The following SHCBP1L variants were observed in gnomAD, a reference collection of about 807,000 sequenced individuals.
SHCBP1L encodes SHC binding and spindle associated 1 like, also known as testicular spindle-associated protein SHCBP1L.
In SHCBP1L, 67 loss-of-function variants were observed where a neutral mutation model predicts 62.5. That is an observed-to-expected ratio of 1.07 (90% CI 0.88 to 1.31). The LOEUF (loss-of-function observed/expected upper bound fraction) is 1.31, where lower values mean the gene tolerates loss of function less well. SHCBP1L is among the 40% of genes most tolerant of loss of function. The pLI is 0.00. For synonymous variants in SHCBP1L, 284 were observed against 289.4 expected (o/e 0.98, Z 0.19); for missense variants, 823 against 809.8 (o/e 1.02, Z -0.20).
chr1:182,905,359 A>T (rs900214582), intron 7 of SHCBP1L, 137 bp downstream of exon 7: 3 of 916,350 alleles, frequency 3.3e-6, no homozygotes, highest in East Asian at 5.7e-5. Flanking sequence ...TGTCTTAATT[A>T]TAAAATGAAC....
At chr1:182,932,141 G>C (rs1651025583) in intron 5 of SHCBP1L, among the ~76,000 whole-genome samples, 2 of 129,588 alleles carry the variant, frequency 1.5e-5, no homozygotes, top group Admixed American at 1.5e-4. Context: ...AACATTCCTT[G>C]TCTGGGTGTC....
chr1:182,952,509 A>G (rs1651810985), intron 1 of SHCBP1L: 1 of 512,742 alleles, frequency 2.0e-6, no homozygotes, highest in African/African-American at 2.0e-5. Flanking sequence ...TTACCTGACG[A>G]ATTTTGTCGG....
At chr1:182,925,773 C>A (rs1460499463) in intron 6 of SHCBP1L, among the ~76,000 whole-genome samples, 4 of 152,182 alleles carry the variant, frequency 2.6e-5, no homozygotes, top group Non-Finnish European at 5.9e-5. Context: ...CACAGCCCCA[C>A]TTTCCCCAAT....
intron 2 of SHCBP1L, among the ~76,000 whole-genome samples, chr1:182,948,458 C>T (rs984606816): frequency 1.3e-5 from 2 of 152,064 alleles, no homozygotes; most frequent in African/African-American, 4.8e-5. Context: ...CAGAAAGATG[C>T]AGTGTGAGAA....
intron 6 of SHCBP1L, among the ~76,000 whole-genome samples, chr1:182,924,091 A>G (rs1159982858): frequency 6.6e-6 from 1 of 152,150 alleles, no homozygotes; most frequent in Non-Finnish European, 1.5e-5. Flanking sequence ...TACACCAACA[A>G]TGTCCAAGCT....
At chr1:182,900,577 C>T (rs892543581) in intron 9 of SHCBP1L, among the ~76,000 whole-genome samples, 1 of 152,100 alleles carries the variant, frequency 6.6e-6, no homozygotes. Flanking sequence ...GACTACAAGG[C>T]GCGTGCCACC....
chr1:182,924,490 GT>G (rs1650613478), intron 6 of SHCBP1L, among the ~76,000 whole-genome samples: 1 of 151,450 alleles, frequency 6.6e-6, no homozygotes. Flanking sequence ...GTAGAGACGG[GT>G]TTCACCGTGT....
chr1:182,952,609 AAACGC>A, intron 1 of SHCBP1L, 115 bp downstream of exon 1: 1 of 1,244,636 alleles, frequency 8.0e-7, no homozygotes, highest in South Asian at 1.6e-5. Flanking sequence ...TACTTTTTTG[AAACGC>A]AAGTTTTCGT....
At chr1:182,919,306 T>C (rs946572037) in intron 6 of SHCBP1L, among the ~76,000 whole-genome samples, 7 of 152,200 alleles carry the variant, frequency 4.6e-5, no homozygotes, top group African/African-American at 1.7e-4. Flanking sequence ...GATGGCACCT[T>C]GCCTGCCACT....
At chr1:182,924,542 C>T (rs770702177) in intron 6 of SHCBP1L, among the ~76,000 whole-genome samples, 4 of 151,588 alleles carry the variant, frequency 2.6e-5, no homozygotes, top group South Asian at 2.1e-4. Flanking sequence ...GTGATCCTCC[C>T]GCCTTGGCCT....
Position 182,900,079 on chromosome 1 carries a change from T to C in SHCBP1L, c.1866A>G (p.Lys622=). ...GATTTTGCATTACTTTGAAGAGCATTTTATCATCTTTTTTATCTCCTGAAG... is the reference window on the plus strand; with the variant it reads ...GATTTTGCATTACTTTGAAGAGCATCTTATCATCTTTTTTATCTCCTGAAG... ...RASSGDKKDD[K]MLFKVMQNLN... The change falls in exon 10 of 10, where the codon AAA becomes AAG. Residue 622 remains lysine (K), a synonymous_variant. Coordinates refer to ENST00000367547, the MANE Select transcript of SHCBP1L (RefSeq NM_030933.4). 6.2e-7 allele frequency: 1 copy of C among 1,612,972 alleles called. No individual in the cohort carries two copies. Among genetic ancestry groups the C allele is most frequent in the Non-Finnish European group, 8.5e-7 (1 of 1,179,408 alleles).
chr1:182,905,693 C>T, intron 6 of SHCBP1L, 44 bp from the exon 7 acceptor site: 1 of 1,568,844 alleles, frequency 6.4e-7, no homozygotes, highest in Non-Finnish European at 8.7e-7. Context: ...ATAGGTTAAA[C>T]TGAAACATGT....
chr1:182,951,194 G>A (rs915995126), intron 2 of SHCBP1L, 124 bp downstream of exon 2: 24 of 731,818 alleles, frequency 3.3e-5, no homozygotes, highest in Non-Finnish European at 4.6e-5. Context: ...AATTTTCTCG[G>A]AAACTTAAAA....
At position 182,934,904 on chromosome 1, in the gene SHCBP1L, G is replaced by T. The variant is rs1651117520; in HGVS notation, c.1076+4272C>A. Among the ~76,000 whole-genome samples, 2 of 152,080 alleles carry T rather than the reference G, an allele frequency of 1.3e-5. 1 individual carries two copies. The highest frequency in any genetic ancestry group is 4.1e-4 in the South Asian group (2 of 4,832). On this transcript the variant is annotated intron_variant, in intron 5 of 9. Coordinates refer to ENST00000367547, the MANE Select transcript of SHCBP1L (RefSeq NM_030933.4). ...ATATTCAATTATTCCAGCACCATTT[G>T]TTGAAGAGAATATCCTTTTTCTATT...
Position 182,924,762 on chromosome 1 carries a change from AAGAAAGAAAGAAAGAAAGAAAGAAAG to A in SHCBP1L, c.1182+4859_1182+4884del, listed in dbSNP as rs1290551121. 3.8e-3 allele frequency among the ~76,000 whole-genome samples: 424 copies of A among 112,882 alleles called. 36 individuals are homozygous for A. Among genetic ancestry groups the A allele is most frequent in the African/African-American group, 0.017 (325 of 18,676 alleles). The allele number at this position is 112,882 out of a possible 152,430, so 74.1% of individuals were successfully genotyped here. A position where few individuals can be genotyped will look rare whatever the true frequency, so the allele number is the denominator to read the frequency against. Reference sequence around the variant, plus strand: ...AAAGAAAGAAAGAAAGAAAGAAAGAAAGAAAGAAAGAAAGAAAGAAAGAAAGAGAGAAAGAAAGGAAGGAAGGAAGG... The same window carrying A: ...AAAGAAAGAAAGAAAGAAAGAAAGAAAGAGAAAGAAAGGAAGGAAGGAAGG... On this transcript the variant is annotated intron_variant, in intron 6 of 9. Transcript: ENST00000367547.
chr1:182,930,792 T>C (rs1232525895), intron 5 of SHCBP1L, among the ~76,000 whole-genome samples: 2 of 139,586 alleles, frequency 1.4e-5, no homozygotes, highest in African/African-American at 5.3e-5. Context: ...GTGGTGCAAT[T>C]ATGGCTTACT....
intron 6 of SHCBP1L, among the ~76,000 whole-genome samples, chr1:182,925,049 A>AAGGGAAGG (rs1650697474): frequency 8.5e-6 from 1 of 117,722 alleles, no homozygotes; most frequent in Non-Finnish European, 1.7e-5. Flanking sequence ...GGAAGGGAAG[A>AAGGGAAGG]AAGGGAAGGA....
At chr1:182,933,375 A>G (rs1651070100) in intron 5 of SHCBP1L, among the ~76,000 whole-genome samples, 2 of 152,192 alleles carry the variant, frequency 1.3e-5, no homozygotes, top group Non-Finnish European at 2.9e-5. Context: ...TACAATTTGA[A>G]TAAAAGTGGC....
chr1:182,904,530 T>TGTGA, intron 7 of SHCBP1L, 100 bp from the exon 8 acceptor site: 7 of 1,132,768 alleles, frequency 6.2e-6, no homozygotes, highest in Admixed American at 2.2e-5. Flanking sequence ...TTTTTCCCTG[T>TGTGA]GTGCGTGTGT....
Sources: gnomAD v4.1 joint callset for allele counts (sites outside exome capture counted in the v4.1 genomes callset) on GRCh38, gnomAD v4.1.1 for gene constraint, MANE v1.5 for transcripts, NCBI Gene and HGNC (gene_info 2026-07-23, HGNC 2026-07-21) for gene names.